Variants in ZC3H12B observed in about 807,000 individuals in gnomAD.
The protein encoded by ZC3H12B is zinc finger CCCH-type containing 12B, also known as probable ribonuclease ZC3H12B.
Under a neutral mutation model 43.9 loss-of-function variants are expected in ZC3H12B, and 7 were observed. That is an observed-to-expected ratio of 0.16 (90% CI 0.09 to 0.30). The LOEUF (loss-of-function observed/expected upper bound fraction) is 0.30. Ranked by LOEUF, ZC3H12B falls within the 10% of genes least tolerant of loss-of-function variation. The pLI is 1.00. For synonymous variants in ZC3H12B, 222 were observed against 241.7 expected, an observed-to-expected ratio of 0.92 and a Z score of 0.76; for missense variants, 475 against 670.2, an observed-to-expected ratio of 0.71 and a Z score of 3.22.
chrX:65,435,739 G>A (rs971359743), intron 3 of ZC3H12B, among the ~76,000 whole-genome samples: 4 of 111,008 alleles, frequency 3.6e-5, no homozygotes, highest in Admixed American at 1.9e-4. Flanking sequence ...TTATGAAAAT[G>A]GGCTCACACT....
intron 3 of ZC3H12B, among the ~76,000 whole-genome samples, chrX:65,429,943 A>G (rs765857522): frequency 8.0e-5 from 9 of 112,032 alleles, no homozygotes; most frequent in Non-Finnish European, 1.5e-4. Context: ...TCCCACCAGG[A>G]GCTCCCTCTA....
At chrX:65,207,164 C>G in the ZC3H12B span, among the ~76,000 whole-genome samples, 1 of 107,643 alleles carries the variant, frequency 9.3e-6, no homozygotes, top group Non-Finnish European at 1.9e-5. Context: ...TGGGTTTCTA[C>G]TTAGAAAAAA....
At chrX:65,251,709 TG>T in the ZC3H12B span, among the ~76,000 whole-genome samples, 1 of 111,753 alleles carries the variant, frequency 8.9e-6, no homozygotes, top group Non-Finnish European at 1.9e-5. Flanking sequence ...CAATTGTGAA[TG>T]GGAGTTCACT....
the ZC3H12B span, among the ~76,000 whole-genome samples, chrX:65,211,801 C>G: frequency 1.4e-5 from 1 of 71,755 alleles, no homozygotes; most frequent in African/African-American, 5.8e-5. Context: ...ATTATGTATA[C>G]TATATAATAT....
Position 65,387,759 on chromosome X carries a change from G to A in ZC3H12B, n.296-10834G>A, listed in dbSNP as rs1212357489. ...CTGGATGGTCTTTACAATTTGGCATGTTTTTGCAGTGGCTGGTACTGGTTG... is the reference window on the plus strand; with the variant it reads ...CTGGATGGTCTTTACAATTTGGCATATTTTTGCAGTGGCTGGTACTGGTTG... On this transcript the variant is annotated intron_variant and non_coding_transcript_variant, in intron 2 of 5. Coordinates refer to the ZC3H12B transcript ENST00000617377. Among the ~76,000 whole-genome samples the A allele has an allele frequency of 2.7e-5, 3 of 112,773 alleles. No individual in the cohort carries two copies. The South Asian group carries it at 1.1e-3, about 41-fold the overall frequency.
chrX:65,414,111 T>C (rs1010606612), intron 3 of ZC3H12B, among the ~76,000 whole-genome samples: 1 of 111,825 alleles, frequency 8.9e-6, no homozygotes, highest in South Asian at 3.7e-4. Flanking sequence ...TGCTATTGGA[T>C]CTGATTTGCT....
At chrX:65,347,462 G>A in the ZC3H12B span, among the ~76,000 whole-genome samples, 1 of 112,137 alleles carries the variant, frequency 8.9e-6, no homozygotes, top group African/African-American at 3.2e-5. Context: ...AGACATTTAT[G>A]CAGGCAACAG....
chrX:65,117,507 A>G, the ZC3H12B span, among the ~76,000 whole-genome samples: 1 of 111,663 alleles, frequency 9.0e-6, no homozygotes, highest in Non-Finnish European at 1.9e-5. Flanking sequence ...CCCATTCTGT[A>G]GGTTTCCTGT....
the ZC3H12B span, among the ~76,000 whole-genome samples, chrX:65,351,917 C>G: frequency 8.9e-6 from 1 of 112,222 alleles, no homozygotes; most frequent in South Asian, 3.7e-4. Context: ...GGTGATTCCT[C>G]AAGAATCTAG....
intron 2 of ZC3H12B, among the ~76,000 whole-genome samples, chrX:65,383,686 A>T (rs1183819615): frequency 1.8e-5 from 2 of 110,706 alleles, no homozygotes; most frequent in Non-Finnish European, 3.8e-5. Flanking sequence ...ATGGGAGAAA[A>T]TTTTCACAAC....
intron 2 of ZC3H12B, among the ~76,000 whole-genome samples, chrX:65,374,680 C>T (rs754150640): frequency 1.8e-5 from 2 of 110,638 alleles, no homozygotes; most frequent in Non-Finnish European, 3.8e-5. Flanking sequence ...AAGAACTGCC[C>T]GATACTGGGT....
the ZC3H12B span, among the ~76,000 whole-genome samples, chrX:65,070,816 G>GTTTTTTTTTTTTT: frequency 1.8e-5 from 1 of 56,048 alleles, no homozygotes; most frequent in Non-Finnish European, 3.4e-5. Context: ...TATGATTTCT[G>GTTTTTTTTTTTTT]TTTTTTTTTT....
exon 5 of ZC3H12B, chrX:65,502,793 A>G: frequency 4.1e-6 from 5 of 1,208,381 alleles, no homozygotes; most frequent in Middle Eastern, 2.3e-4. Context: ...CCTGGTGATG[A>G]CTCGGATGGA....
chrX:65,215,434 A>G, the ZC3H12B span, among the ~76,000 whole-genome samples: 1 of 111,106 alleles, frequency 9.0e-6, no homozygotes, highest in Non-Finnish European at 1.9e-5. Flanking sequence ...TTGCACTTTA[A>G]TCTTATGGAG....
At chrX:65,232,519 A>G in the ZC3H12B span, among the ~76,000 whole-genome samples, 1 of 112,022 alleles carries the variant, frequency 8.9e-6, no homozygotes, top group African/African-American at 3.2e-5. Flanking sequence ...GATCAAAGTT[A>G]TCCTCGGTTT....
At chrX:65,079,626 C>T in the ZC3H12B span, among the ~76,000 whole-genome samples, 1 of 112,552 alleles carries the variant, frequency 8.9e-6, no homozygotes, top group Non-Finnish European at 1.9e-5. Flanking sequence ...ACCATCAAGG[C>T]AGTACCTCTG....
chrX:65,229,982 C>T, the ZC3H12B span, among the ~76,000 whole-genome samples: 1 of 111,634 alleles, frequency 9.0e-6, no homozygotes, highest in African/African-American at 3.3e-5. Context: ...TGTGGTGATT[C>T]CTCTGGGATC....
the ZC3H12B span, among the ~76,000 whole-genome samples, chrX:65,109,407 G>A: frequency 9.0e-6 from 1 of 111,692 alleles, no homozygotes; most frequent in Non-Finnish European, 1.9e-5. Flanking sequence ...TGTTTTAACA[G>A]CTTTGTCTAT....
At chrX:65,258,639 A>G in the ZC3H12B span, among the ~76,000 whole-genome samples, 1 of 111,647 alleles carries the variant, frequency 9.0e-6, no homozygotes, top group African/African-American at 3.3e-5. Flanking sequence ...TTCTGCTTGC[A>G]GACTATGTGA....
Sources: allele counts gnomAD v4.1 joint callset (sites outside exome capture counted in the v4.1 genomes callset), GRCh38; gene constraint gnomAD v4.1.1; transcripts MANE v1.5; gene names NCBI Gene and HGNC (gene_info 2026-07-23, HGNC 2026-07-21).